The following RHOJ variants were observed in gnomAD, a reference collection of about 807,000 sequenced individuals.
RHOJ encodes rho-related GTP-binding protein RhoJ.
In RHOJ, 11 loss-of-function variants were observed where a neutral mutation model predicts 23.4. The ratio of observed to expected loss-of-function variants is 0.47; its 90% confidence interval spans 0.30 to 0.78. The LOEUF (loss-of-function observed/expected upper bound fraction) is 0.78, where lower values mean the gene tolerates loss of function less well. Ranked by LOEUF, RHOJ falls within the 30% of genes least tolerant of loss-of-function variation. The probability of loss-of-function intolerance (pLI) is 0.08; values close to 1 mark genes in which losing one functional copy is unlikely to be tolerated. For missense variants in RHOJ, 254 were observed against 273.4 expected, an observed-to-expected ratio of 0.93 and a Z score of 0.50; for synonymous variants, 102 against 102.7, an observed-to-expected ratio of 0.99 and a Z score of 0.04.
chr14:63,258,835 G>A (rs1169832019), intron 1 of RHOJ, among the ~76,000 whole-genome samples: 3 of 152,226 alleles, frequency 2.0e-5, no homozygotes, highest in Non-Finnish European at 2.9e-5. Context: ...GATCAGAATG[G>A]TTTACAAGCA....
intron 1 of RHOJ, among the ~76,000 whole-genome samples, chr14:63,235,089 A>G (rs998420497): frequency 1.3e-5 from 2 of 152,112 alleles, no homozygotes; most frequent in Admixed American, 1.3e-4. Flanking sequence ...TCTCTTTACT[A>G]ATATGCCAAA....
chr14:63,209,455 T>A (rs1042851157), intron 1 of RHOJ, among the ~76,000 whole-genome samples: 1 of 151,926 alleles, frequency 6.6e-6, no homozygotes, highest in African/African-American at 2.4e-5. Flanking sequence ...CTTGAAGAGT[T>A]TGTACTTGCT....
In RHOJ at chr14:63,208,753, A is replaced by G. The variant is rs146267355; in HGVS notation, c.178+3706A>G. Among the ~76,000 whole-genome samples, 15 of 152,266 alleles carry G rather than the reference A, an allele frequency of 9.9e-5. No homozygotes were observed. In the East Asian group the frequency reaches 2.7e-3, roughly 27 times the overall value. On this transcript the variant is annotated intron_variant, in intron 1 of 4. Transcript: ENST00000316754. ...TTACACTTAGGGTATGCTTGATTGT[A>G]TCTAGTTTTGTAACTTTAAACATCA...
At chr14:63,215,394 T>G (rs1231760956) in intron 1 of RHOJ, among the ~76,000 whole-genome samples, 1 of 152,184 alleles carries the variant, frequency 6.6e-6, no homozygotes, top group African/African-American at 2.4e-5. Context: ...TGAATCCAGA[T>G]TGCCAACAAG....
At chr14:63,254,714 A>G (rs1186881378) in intron 1 of RHOJ, among the ~76,000 whole-genome samples, 1 of 152,060 alleles carries the variant, frequency 6.6e-6, no homozygotes, top group African/African-American at 2.4e-5. Context: ...GAGAAGATAA[A>G]CATGTGCAAC....
Position 63,291,541 on chromosome 14 carries a change from C to T in RHOJ, c.*517C>T, listed in dbSNP as rs988801906. On this transcript the variant is annotated 3_prime_UTR_variant, in exon 5 of 5. Coordinates refer to ENST00000316754, the MANE Select transcript of RHOJ (RefSeq NM_020663.5). ...TAATTTCCAGTTCACTCAGGCCTTA[C>T]TAATCCATACCAAATTAGCCTAAAG... 4 of 171,928 alleles carry T rather than the reference C, an allele frequency of 2.3e-5. No individual in the cohort carries two copies. The highest frequency in any genetic ancestry group is 7.2e-5 in the African/African-American group (3 of 41,604). 10.7% of individuals were successfully genotyped at this position (171,928 alleles called of 1,614,324 possible). A position where few individuals can be genotyped will look rare whatever the true frequency, so the allele number is the denominator to read the frequency against.
chr14:63,221,415 A>T (rs1261435058), intron 1 of RHOJ, among the ~76,000 whole-genome samples: 1 of 152,140 alleles, frequency 6.6e-6, no homozygotes, highest in East Asian at 1.9e-4. Flanking sequence ...CCTGTCACAC[A>T]TGGGCTTAGA....
intron 1 of RHOJ, among the ~76,000 whole-genome samples, chr14:63,265,734 G>A (rs1895355900): frequency 6.6e-6 from 1 of 152,362 alleles, no homozygotes; most frequent in Non-Finnish European, 1.5e-5. Flanking sequence ...GGGGACAGAA[G>A]TTACAGAGAC....
Position 63,292,998 on chromosome 14 carries a change from C to T in RHOJ, c.*1974C>T, listed in dbSNP as rs1274549976. 1 of 151,798 alleles carries T rather than the reference C, an allele frequency of 6.6e-6. No homozygotes were observed. Among genetic ancestry groups the T allele is most frequent in the Non-Finnish European group, 1.5e-5 (1 of 67,972 alleles). The allele number at this position is 151,798 out of a possible 1,614,324, so 9.4% of individuals were successfully genotyped here. On this transcript the variant is annotated 3_prime_UTR_variant, in exon 5 of 5. Transcript: ENST00000316754. ...TTTCAAGTACTATTTCCCTTCTCTC[C>T]CATCTAATTGCTAAAGATTTTCTTT...
chr14:63,272,013 T>G (rs899843489), intron 2 of RHOJ, among the ~76,000 whole-genome samples: 5 of 152,262 alleles, frequency 3.3e-5, no homozygotes, highest in African/African-American at 9.6e-5. Flanking sequence ...ATGTTAGAAC[T>G]GCAGAATCTC....
rs181816910 is a variant in RHOJ, at chr14:63,238,428, A to T, written c.179-30682A>T. Among the ~76,000 whole-genome samples, 181 of 151,090 alleles carry T rather than the reference A, an allele frequency of 1.2e-3. 1 individual carries two copies. The East Asian group carries it at 0.019, about 16-fold the overall frequency. ...ATGCATTTTATTTATTATTATTATTATTTTTTTAGACAGGGTCTGGTTCCA... is the reference window on the plus strand; with the variant it reads ...ATGCATTTTATTTATTATTATTATTTTTTTTTTAGACAGGGTCTGGTTCCA... On this transcript the variant is annotated intron_variant, in intron 1 of 4. Coordinates refer to ENST00000316754, the MANE Select transcript of RHOJ (RefSeq NM_020663.5).
At chr14:63,216,690 C>G (rs562190949) in intron 1 of RHOJ, among the ~76,000 whole-genome samples, 3 of 151,910 alleles carry the variant, frequency 2.0e-5, no homozygotes, top group Admixed American at 2.0e-4. Flanking sequence ...TAAATAAGAG[C>G]CTTAAGAGTT....
intron 4 of RHOJ, among the ~76,000 whole-genome samples, chr14:63,283,810 T>C (rs933630121): frequency 6.6e-6 from 1 of 152,216 alleles, no homozygotes; most frequent in Non-Finnish European, 1.5e-5. Flanking sequence ...ACTGTTTTCA[T>C]GGACCTTTCT....
chr14:63,234,819 C>G (rs1236236138), intron 1 of RHOJ, among the ~76,000 whole-genome samples: 1 of 152,202 alleles, frequency 6.6e-6, no homozygotes, highest in Non-Finnish European at 1.5e-5. Flanking sequence ...CACTATTATG[C>G]AAATAACTGT....
rs577173874 is a variant in RHOJ at position 63,231,034 on chromosome 14, G to A, written c.178+25987G>A. ...CTCCCAGGTAGCTGGGACTACAGGC[G>A]CCCACCACCATGCCCAGCTAATTTT... On this transcript the variant is annotated intron_variant, in intron 1 of 4. Transcript: ENST00000316754. Among the ~76,000 whole-genome samples the A allele has an allele frequency of 2.5e-4, 38 of 151,572 alleles. 2 individuals carry two copies. The highest frequency in any genetic ancestry group is 6.3e-4 in the African/African-American group (26 of 41,290).
At chr14:63,283,976 C>A (rs1881994450) in intron 4 of RHOJ, among the ~76,000 whole-genome samples, 1 of 151,970 alleles carries the variant, frequency 6.6e-6, no homozygotes, top group Non-Finnish European at 1.5e-5. Flanking sequence ...AAGAGGAGGC[C>A]GATAAATCAC....
intron 1 of RHOJ, among the ~76,000 whole-genome samples, chr14:63,226,780 A>G (rs912673378): frequency 6.6e-6 from 1 of 152,124 alleles, no homozygotes; most frequent in African/African-American, 2.4e-5. Flanking sequence ...GGCACAGTCA[A>G]TGCAAATACA....
At chr14:63,286,072 C>A (rs1882073843) in intron 4 of RHOJ, among the ~76,000 whole-genome samples, 1 of 152,272 alleles carries the variant, frequency 6.6e-6, no homozygotes, top group Admixed American at 6.5e-5. Context: ...GGATTTAAAG[C>A]AGCAAAATTG....
chr14:63,218,496 A>T (rs28558325), intron 1 of RHOJ, among the ~76,000 whole-genome samples: 200 of 152,358 alleles, frequency 1.3e-3, no homozygotes, highest in Middle Eastern at 6.8e-3. Context: ...TGAATATGGT[A>T]TCATTTTAAT....
Sources: gnomAD v4.1 joint callset for allele counts (sites outside exome capture counted in the v4.1 genomes callset) on GRCh38, gnomAD v4.1.1 for gene constraint, MANE v1.5 for transcripts, NCBI Gene and HGNC (gene_info 2026-07-23, HGNC 2026-07-21) for gene names.